The following WDPCP variants were observed in gnomAD, a reference collection of about 807,000 sequenced individuals.
WDPCP encodes WD repeat-containing and planar cell polarity effector protein fritz homolog.
In WDPCP, 71 loss-of-function variants were observed where a neutral mutation model predicts 93.1. That is an observed-to-expected ratio of 0.76 (90% CI 0.63 to 0.93). WDPCP has a LOEUF of 0.93. Ranked by LOEUF, WDPCP falls within the 40% of genes least tolerant of loss-of-function variation. WDPCP has a pLI of 0.00. For synonymous variants in WDPCP, 315 were observed against 315.0 expected (o/e 1.00, Z 0.00); for missense variants, 844 against 887.4 (o/e 0.95, Z 0.62).
At chr2:63,628,097 G>A (rs1399881971) in intron 3 of WDPCP, among the ~76,000 whole-genome samples, 1 of 152,182 alleles carries the variant, frequency 6.6e-6, no homozygotes, top group African/African-American at 2.4e-5. Flanking sequence ...TCCTGCTAGG[G>A]GTTGAGAGCT....
At chr2:63,810,004 T>C (rs1670838018) in intron 2 of WDPCP, among the ~76,000 whole-genome samples, 1 of 152,206 alleles carries the variant, frequency 6.6e-6, no homozygotes, top group Admixed American at 6.5e-5. Flanking sequence ...ATTGTATACC[T>C]TATTTAGACT....
At chr2:63,530,450 G>A (rs1703739659) in intron 1 of WDPCP, among the ~76,000 whole-genome samples, 2 of 152,158 alleles carry the variant, frequency 1.3e-5, no homozygotes, top group East Asian at 1.9e-4. Flanking sequence ...GGGCAGGTAT[G>A]CTTTATGTAC....
intron 1 of WDPCP, among the ~76,000 whole-genome samples, chr2:63,551,231 C>CA (rs61266945): frequency 7.3e-5 from 11 of 151,496 alleles, no homozygotes; most frequent in Non-Finnish European, 1.3e-4. Flanking sequence ...TAAATAAATA[C>CA]AAAAAAAAAA....
At chr2:63,298,297 T>C (rs539716415) in intron 13 of WDPCP, among the ~76,000 whole-genome samples, 2 of 152,114 alleles carry the variant, frequency 1.3e-5, no homozygotes, top group South Asian at 4.2e-4. Context: ...GCTGTGGGGA[T>C]AGCCATCTGT....
At chr2:63,307,948 A>G (rs1309628947) in intron 13 of WDPCP, among the ~76,000 whole-genome samples, 2 of 152,218 alleles carry the variant, frequency 1.3e-5, no homozygotes, top group Non-Finnish European at 1.5e-5. Context: ...AACCTACAAA[A>G]TGGGAGAAAA....
At chr2:63,159,587 G>A (rs1361770580) in intron 15 of WDPCP, among the ~76,000 whole-genome samples, 1 of 152,160 alleles carries the variant, frequency 6.6e-6, no homozygotes, top group African/African-American at 2.4e-5. Flanking sequence ...TTAAAATTCT[G>A]TGATGAATGT....
intron 15 of WDPCP, among the ~76,000 whole-genome samples, chr2:63,157,344 T>A (rs1672331262): frequency 6.6e-6 from 1 of 152,062 alleles, no homozygotes; most frequent in African/African-American, 2.4e-5. Flanking sequence ...TTGTAAAAAA[T>A]TCCATGGGAC....
At chr2:63,808,451 C>T (rs1670804214) in intron 2 of WDPCP, among the ~76,000 whole-genome samples, 1 of 152,134 alleles carries the variant, frequency 6.6e-6, no homozygotes, top group African/African-American at 2.4e-5. Context: ...GCCTGATTCT[C>T]CTGCCTCAGC....
chr2:63,439,902 G>C, intron 6 of WDPCP, 31 bp from the exon 7 acceptor site: 1 of 1,527,420 alleles, frequency 6.5e-7, no homozygotes, highest in African/African-American at 1.4e-5. Flanking sequence ...GAGAGAGGGA[G>C]GAAGACATGC....
At chr2:63,272,713 T>A (rs1682757862) in intron 13 of WDPCP, among the ~76,000 whole-genome samples, 1 of 152,084 alleles carries the variant, frequency 6.6e-6, no homozygotes, top group African/African-American at 2.4e-5. Flanking sequence ...ACAGATTAGA[T>A]CAAATACAAG....
intron 13 of WDPCP, among the ~76,000 whole-genome samples, chr2:63,288,131 G>T (rs1301527393): frequency 6.6e-6 from 1 of 152,168 alleles, no homozygotes; most frequent in Non-Finnish European, 1.5e-5. Flanking sequence ...GAGAGCAGCA[G>T]CTATAGGTCT....
intron 13 of WDPCP, among the ~76,000 whole-genome samples, chr2:63,308,347 G>A (rs183786047): frequency 3.3e-5 from 5 of 152,286 alleles, no homozygotes; most frequent in Admixed American, 2.6e-4. Flanking sequence ...ATTCCTCAGG[G>A]ATGTAGAACT....
intron 15 of WDPCP, 90 bp from the exon 16 acceptor site, chr2:63,153,664 A>C (rs900238858): frequency 2.4e-6 from 2 of 850,842 alleles, no homozygotes; most frequent in African/African-American, 1.7e-5. Context: ...AAGTATTAAA[A>C]TATTTTAAAG....
intron 1 of WDPCP, among the ~76,000 whole-genome samples, chr2:63,531,077 G>A (rs1317948027): frequency 2.0e-5 from 3 of 152,344 alleles, no homozygotes; most frequent in Admixed American, 6.5e-5. Context: ...CGCCCACGGC[G>A]CCTTGCTCAC....
Position 63,599,433 on chromosome 2 carries a change from T to G in WDPCP, n.488+51226A>C, listed in dbSNP as rs911267911. 7 of 800,336 alleles carry G rather than the reference T, an allele frequency of 8.7e-6. No homozygotes were observed. In the African/African-American group the frequency reaches 1.2e-4, roughly 14 times the overall value. 49.6% of individuals were successfully genotyped at this position (800,336 alleles called of 1,614,324 possible). A position where few individuals can be genotyped will look rare whatever the true frequency, so the allele number is the denominator to read the frequency against. ...CCTATTACTTTTATTAAATTAAAAG[T>G]AAATTATTATTCATTTGTTAGGGAG... On this transcript the variant is annotated intron_variant and non_coding_transcript_variant, in intron 3 of 4. Coordinates refer to the WDPCP transcript ENST00000467687.
At position 63,616,642 on chromosome 2, in the gene WDPCP, G is replaced by A. The variant is rs75454031; in HGVS notation, n.488+34017C>T. 8.5e-3 allele frequency among the ~76,000 whole-genome samples: 1,287 copies of A among 152,122 alleles called. 15 individuals are homozygous for A. The highest frequency in any genetic ancestry group is 0.029 in the African/African-American group (1,203 of 41,472). ...GATTAGTGGACAACTTTGCTTATGTGGAAAGAGACCATATTACTCTCCTCC... is the reference window on the plus strand; with the variant it reads ...GATTAGTGGACAACTTTGCTTATGTAGAAAGAGACCATATTACTCTCCTCC... On this transcript the variant is annotated intron_variant and non_coding_transcript_variant, in intron 3 of 4. Coordinates refer to the WDPCP transcript ENST00000467687.
At chr2:63,295,881 A>AAAAAAC (rs1491313021) in intron 13 of WDPCP, among the ~76,000 whole-genome samples, 1 of 8,356 alleles carries the variant, frequency 1.2e-4, no homozygotes, top group Non-Finnish European at 1.8e-4. Context: ...AAACTATTCC[A>AAAAAAC]AAAAAAAAAA....
rs1477253438 is a variant in WDPCP at position 63,435,486 on chromosome 2, A to G, written c.634-1550T>C. On this transcript the variant is annotated intron_variant, in intron 8 of 17. Coordinates refer to ENST00000272321, the MANE Select transcript of WDPCP (RefSeq NM_015910.7). ...ACCACGATGAAATTGCTAAGTACTT[A>G]AAAATACACATACATTATTTCAATG... Among the ~76,000 whole-genome samples the G allele has an allele frequency of 6.6e-5, 10 of 152,168 alleles. 1 individual carries two copies. Among genetic ancestry groups the G allele is most frequent in the Admixed American group, 6.6e-4 (10 of 15,260 alleles).
At chr2:63,425,943 A>G (rs890421045) in intron 9 of WDPCP, among the ~76,000 whole-genome samples, 1 of 152,216 alleles carries the variant, frequency 6.6e-6, no homozygotes, top group Non-Finnish European at 1.5e-5. Flanking sequence ...CCCAAAGTCA[A>G]CATCAAAGAA....
Sources: allele counts gnomAD v4.1 joint callset (sites outside exome capture counted in the v4.1 genomes callset), GRCh38; gene constraint gnomAD v4.1.1; transcripts MANE v1.5; gene names NCBI Gene and HGNC (gene_info 2026-07-23, HGNC 2026-07-21).